ANO1: variants seen among roughly 807,000 people sequenced by gnomAD.
ANO1 encodes anoctamin 1.
ANO1 carries 59 observed loss-of-function variants against 124.0 expected under a neutral mutation model. That is an observed-to-expected ratio of 0.48 (90% confidence interval 0.39 to 0.59). The LOEUF (loss-of-function observed/expected upper bound fraction) is 0.59, where lower values mean the gene tolerates loss of function less well. Among genes scored for constraint, ANO1 ranks in the 20% least tolerant of loss-of-function variants. The pLI, the probability that ANO1 is intolerant of heterozygous loss-of-function variation, is 0.00. For synonymous variants in ANO1, 529 were observed against 532.0 expected (o/e 0.99, Z 0.08); for missense variants, 1,059 against 1,328.0 (o/e 0.80, Z 3.15).
chr11:70,067,316 C>G (rs1031197763), intron 1 of ANO1, among the ~76,000 whole-genome samples: 1 of 141,228 alleles, frequency 7.1e-6, no homozygotes, highest in South Asian at 2.3e-4. Context: ...GACAAGGAAT[C>G]GTGGGTGTTT....
At chr11:70,006,226 G>A (rs1554999999) in intron 1 of ANO1, among the ~76,000 whole-genome samples, 1 of 152,184 alleles carries the variant, frequency 6.6e-6, no homozygotes, top group African/African-American at 2.4e-5. Context: ...ACTAGTCCAG[G>A]ACTTTCACAT....
chr11:70,117,832 A>T (rs2046049462), intron 8 of ANO1, among the ~76,000 whole-genome samples: 1 of 152,110 alleles, frequency 6.6e-6, no homozygotes, highest in Non-Finnish European at 1.5e-5. Flanking sequence ...GCCCCCATAC[A>T]TGTTTTTAAA....
chr11:69,995,258 C>G (rs903209768), intron 1 of ANO1, among the ~76,000 whole-genome samples: 1 of 152,046 alleles, frequency 6.6e-6, no homozygotes, highest in Non-Finnish European at 1.5e-5. Flanking sequence ...TGCCACCACA[C>G]CCAGCTAATT....
chr11:70,123,946 A>G (rs2135480174), intron 8 of ANO1, among the ~76,000 whole-genome samples: 1 of 152,294 alleles, frequency 6.6e-6, no homozygotes, highest in South Asian at 2.1e-4. Flanking sequence ...TTAATCAGAC[A>G]GCCCATCTCA....
chr11:70,161,976 G>A (rs3737339), intron 18 of ANO1, among the ~76,000 whole-genome samples: 2,104 of 148,948 alleles, frequency 0.014, 40 homozygotes, highest in African/African-American at 0.047. Context: ...AGTGAGGACC[G>A]GGGAGTGAGG....
intron 11 of ANO1, among the ~76,000 whole-genome samples, chr11:70,142,468 G>T (rs1048463061): frequency 1.3e-5 from 2 of 152,146 alleles, no homozygotes; most frequent in Admixed American, 1.3e-4. Context: ...GAAGGCTGGA[G>T]GCCTTTGTGT....
At chr11:69,998,534 C>T (rs10898992) in intron 1 of ANO1, among the ~76,000 whole-genome samples, 26,150 of 152,150 alleles carry the variant, frequency 0.17, 2,329 homozygotes, top group South Asian at 0.23. Context: ...GTTTCCAGTT[C>T]GAAGCCATTA....
intron 1 of ANO1, among the ~76,000 whole-genome samples, chr11:70,062,067 C>CTTTTTTTTTTTTTTT (rs1175846749): frequency 1.6e-5 from 1 of 62,270 alleles, no homozygotes; most frequent in Non-Finnish European, 3.0e-5. Context: ...TTCCTTCTTT[C>CTTTTTTTTTTTTTTT]TTTTTTTTTT....
At chr11:70,082,986 C>T (rs554351802) in intron 1 of ANO1, among the ~76,000 whole-genome samples, 153 of 152,350 alleles carry the variant, frequency 1.0e-3, no homozygotes, top group Non-Finnish European at 2.0e-3. Flanking sequence ...AAATCAGTGA[C>T]AGAGTCAGGC....
At chr11:70,059,345 T>G (rs1322800477) in intron 1 of ANO1, among the ~76,000 whole-genome samples, 1 of 91,958 alleles carries the variant, frequency 1.1e-5, no homozygotes, top group Non-Finnish European at 2.1e-5. Context: ...AGCGAGACAC[T>G]GTCAAAAAAA....
At chr11:70,006,418 C>T (rs782487587) in intron 1 of ANO1, among the ~76,000 whole-genome samples, 4 of 152,014 alleles carry the variant, frequency 2.6e-5, no homozygotes, top group Non-Finnish European at 5.9e-5. Context: ...CTGGGGTGGG[C>T]GCGCCCAGGC....
At chr11:70,128,329 G>A (rs1330319930) in intron 10 of ANO1, among the ~76,000 whole-genome samples, 1 of 152,242 alleles carries the variant, frequency 6.6e-6, no homozygotes, top group East Asian at 1.9e-4. Flanking sequence ...CAGACTTGGT[G>A]GGGATTGTAA....
intron 1 of ANO1, among the ~76,000 whole-genome samples, chr11:70,021,878 T>A (rs1591039763): frequency 6.6e-6 from 1 of 151,848 alleles, no homozygotes; most frequent in African/African-American, 2.4e-5. Context: ...TCCCAAAGAG[T>A]GCGCAGAGTA....
chr11:70,113,499 A>G (rs1412519132), intron 7 of ANO1, among the ~76,000 whole-genome samples: 1 of 152,080 alleles, frequency 6.6e-6, no homozygotes, highest in African/African-American at 2.4e-5. Flanking sequence ...GCTTTCCTCC[A>G]GAGGACCCAG....
chr11:69,971,216 C>G, the ANO1 span, among the ~76,000 whole-genome samples: 2 of 152,196 alleles, frequency 1.3e-5, no homozygotes, highest in Non-Finnish European at 2.9e-5. Flanking sequence ...CTCTGAGTCT[C>G]AGTTTCCTCA....
chr11:70,161,426 C>A, intron 17 of ANO1, 64 bp downstream of exon 17: 1 of 1,552,702 alleles, frequency 6.4e-7, no homozygotes. Context: ...CTGCCTCTTG[C>A]TGTGCATCCT....
intron 23 of ANO1, among the ~76,000 whole-genome samples, chr11:70,180,488 G>A (rs983956538): frequency 9.9e-5 from 15 of 152,280 alleles, no homozygotes; most frequent in Admixed American, 9.8e-4. Flanking sequence ...GACCAGGCTG[G>A]TCTCAAACTC....
chr11:70,034,124 A>G (rs1382191389), intron 1 of ANO1, among the ~76,000 whole-genome samples: 4 of 152,094 alleles, frequency 2.6e-5, no homozygotes, highest in African/African-American at 4.8e-5. Flanking sequence ...AGCCCCACCC[A>G]TTACGTAGCA....
At chr11:70,149,154 C>G (rs997994669) in intron 11 of ANO1, among the ~76,000 whole-genome samples, 11 of 152,130 alleles carry the variant, frequency 7.2e-5, no homozygotes, top group African/African-American at 2.4e-4. Flanking sequence ...GGCACGGGCT[C>G]TCAGACCATG....
Sources: allele counts gnomAD v4.1 joint callset (sites outside exome capture counted in the v4.1 genomes callset), GRCh38; gene constraint gnomAD v4.1.1; transcripts MANE v1.5; gene names NCBI Gene and HGNC (gene_info 2026-07-23, HGNC 2026-07-21).